Variants in WDR93 observed in about 807,000 individuals in gnomAD.
The protein encoded by WDR93 is WD repeat-containing protein 93.
WDR93 carries 73 observed loss-of-function variants against 82.9 expected under a neutral mutation model. That is an observed-to-expected ratio of 0.88 (90% confidence interval 0.73 to 1.07). The LOEUF (loss-of-function observed/expected upper bound fraction) is 1.07. Ranked by LOEUF, WDR93 falls within the 50% of genes least tolerant of loss-of-function variation. The probability of loss-of-function intolerance (pLI) is 0.00; values close to 1 mark genes in which losing one functional copy is unlikely to be tolerated. For synonymous variants in WDR93, 283 were observed against 300.1 expected (o/e 0.94, Z 0.59); for missense variants, 738 against 826.0 (o/e 0.89, Z 1.31).
At chr15:89,726,812 G>A (rs1379277835) in intron 8 of WDR93, among the ~76,000 whole-genome samples, 1 of 152,146 alleles carries the variant, frequency 6.6e-6, no homozygotes, top group Non-Finnish European at 1.5e-5. Context: ...GGGGAGACAG[G>A]GACAGTGATC....
At chr15:89,725,014 T>A (rs1010777570) in intron 8 of WDR93, among the ~76,000 whole-genome samples, 1 of 152,106 alleles carries the variant, frequency 6.6e-6, no homozygotes, top group Non-Finnish European at 1.5e-5. Flanking sequence ...TTTCCTGGGA[T>A]GTGAGATTTT....
chr15:89,734,904 T>C (rs1360529060), intron 13 of WDR93, among the ~76,000 whole-genome samples: 2 of 152,232 alleles, frequency 1.3e-5, no homozygotes, highest in Non-Finnish European at 2.9e-5. Context: ...ATTATTTAGC[T>C]ATGCATATTT....
chr15:89,719,112 G>C (rs1415385141), intron 7 of WDR93, among the ~76,000 whole-genome samples: 1 of 151,708 alleles, frequency 6.6e-6, no homozygotes, highest in Non-Finnish European at 1.5e-5. Context: ...TTTTGAAACA[G>C]GGGCTCACTC....
chr15:89,737,828 T>C, intron 15 of WDR93, 99 bp downstream of exon 15: 1 of 1,531,870 alleles, frequency 6.5e-7, no homozygotes, highest in Non-Finnish European at 8.9e-7. Flanking sequence ...CCACTCTGTG[T>C]CCCCCTCTAC....
chr15:89,730,250 G>T (rs1391551652), intron 11 of WDR93, among the ~76,000 whole-genome samples: 3 of 151,396 alleles, frequency 2.0e-5, no homozygotes, highest in Admixed American at 2.0e-4. Flanking sequence ...ACATGAACCT[G>T]GGAGGCAGAG....
intron 1 of WDR93, among the ~76,000 whole-genome samples, chr15:89,691,711 C>A (rs961611191): frequency 6.9e-6 from 1 of 144,616 alleles, no homozygotes; most frequent in African/African-American, 2.6e-5. Context: ...CAGAGCGAGA[C>A]GCTGTCTCAA....
At position 89,701,852 on chromosome 15, in the gene WDR93, G is replaced by A; in HGVS notation, c.106G>A (p.Asp36Asn). 4 of 1,614,210 alleles carry A rather than the reference G, an allele frequency of 2.5e-6. No homozygotes were observed. Among genetic ancestry groups the A allele is most frequent in the Non-Finnish European group, 3.4e-6 (4 of 1,180,034 alleles). Residue 36 changes from aspartate (D) to asparagine (N), a missense_variant, in exon 2 of 17, where the codon GAC (aspartate) becomes AAC (asparagine). Asp to Asn is a conservative substitution (Grantham distance 23). Transcript: ENST00000268130. ...CCCAACAGAGAAGGACTGGCCTAAA[G>A]ACGATGAACAGGATCATGTCCTCGT... ...PPPTEKDWPK[D>N]DEQDHVLVDP...
Position 89,705,582 on chromosome 15 carries a change from G to T in WDR93, c.525G>T (p.Lys175Asn), listed in dbSNP as rs1363224806. 1 of 1,570,530 alleles carries T rather than the reference G, an allele frequency of 6.4e-7. No individual in the cohort carries two copies. The highest frequency in any genetic ancestry group is 1.1e-5 in the South Asian group (1 of 90,240). The change falls in exon 4 of 17, where the codon AAG (lysine) becomes AAT (asparagine). Residue 175 changes from lysine to asparagine, a missense_variant. Transcript: ENST00000268130. ...TCATTAGACTCTTTTATTTTTATAA[G>T]GAAGGACTTTACCTAGTCAAAGCCA... Reference protein sequence around the residue: ...MGIIRLFYFYKEGLYLVKAIN... With the variant: ...MGIIRLFYFYNEGLYLVKAIN...
chr15:89,716,806 C>T (rs1966270748), intron 6 of WDR93, 105 bp from the exon 7 acceptor site: 4 of 820,470 alleles, frequency 4.9e-6, no homozygotes, highest in Non-Finnish European at 7.9e-6. Context: ...CATGAATTCA[C>T]TCACAAGAGT....
intron 15 of WDR93, 38 bp from the exon 16 acceptor site, chr15:89,738,003 A>G: frequency 5.8e-6 from 9 of 1,562,764 alleles, no homozygotes; most frequent in Non-Finnish European, 7.8e-6. Context: ...TGAGAAAGCG[A>G]TTGTTACACA....
In WDR93 at chr15:89,743,424, G is replaced by C. The variant is rs368408049; in HGVS notation, c.*33G>C. 72 of 1,608,474 alleles carry C rather than the reference G, an allele frequency of 4.5e-5. No homozygotes were observed. Among genetic ancestry groups the C allele is most frequent in the Non-Finnish European group, 6.0e-5 (70 of 1,175,390 alleles). ...ACCGCCCTGGGATCTCTGAAAAGGA[G>C]GTTTCAGCCACGAGGCAGCTGCTCC... On this transcript the variant is annotated 3_prime_UTR_variant, in exon 17 of 17. Coordinates refer to ENST00000268130, the MANE Select transcript of WDR93 (RefSeq NM_020212.2).
At chr15:89,720,512 T>C (rs28464035) in intron 7 of WDR93, among the ~76,000 whole-genome samples, 65,490 of 151,916 alleles carry the variant, frequency 0.43, 14,673 homozygotes, top group African/African-American at 0.5. Context: ...ACCTCGTGAT[T>C]CGCCCGCCTC....
intron 8 of WDR93, among the ~76,000 whole-genome samples, chr15:89,724,970 G>T (rs1966675488): frequency 6.6e-6 from 1 of 152,152 alleles, no homozygotes; most frequent in South Asian, 2.1e-4. Context: ...AGGTGATAGG[G>T]TGACCAACCA....
intron 7 of WDR93, among the ~76,000 whole-genome samples, chr15:89,717,556 A>C (rs1436089486): frequency 1.3e-5 from 2 of 152,170 alleles, no homozygotes; most frequent in Admixed American, 1.3e-4. Context: ...AGGGAGCTTA[A>C]ATTTCAGGGC....
At chr15:89,730,097 A>T (rs1335435950) in intron 11 of WDR93, among the ~76,000 whole-genome samples, 1 of 152,032 alleles carries the variant, frequency 6.6e-6, no homozygotes, top group Non-Finnish European at 1.5e-5. Context: ...GGCCGAGGCG[A>T]GTGGATCACC....
chr15:89,717,777 T>G (rs2141649703), intron 7 of WDR93, among the ~76,000 whole-genome samples: 1 of 152,342 alleles, frequency 6.6e-6, no homozygotes, highest in East Asian at 1.9e-4. Flanking sequence ...TTCTTTTTCT[T>G]AAAAGAGGGT....
chr15:89,729,155 C>G (rs1276467028), intron 10 of WDR93, 62 bp downstream of exon 10: 8 of 1,455,102 alleles, frequency 5.5e-6, no homozygotes, highest in Non-Finnish European at 7.7e-6. Flanking sequence ...AACCCCTCAG[C>G]AAGCCCCCAC....
intron 16 of WDR93, among the ~76,000 whole-genome samples, chr15:89,741,830 C>A (rs1967698001): frequency 6.6e-6 from 1 of 152,092 alleles, no homozygotes; most frequent in Non-Finnish European, 1.5e-5. Flanking sequence ...CAGCTCACTG[C>A]AACCTCTGCC....
chr15:89,725,648 G>T (rs1486313111), intron 8 of WDR93, among the ~76,000 whole-genome samples: 1 of 149,552 alleles, frequency 6.7e-6, no homozygotes, highest in African/African-American at 2.5e-5. Flanking sequence ...GACTCACTGT[G>T]ACCTCTGCTT....
Sources: gnomAD v4.1 joint callset for allele counts (sites outside exome capture counted in the v4.1 genomes callset) on GRCh38, gnomAD v4.1.1 for gene constraint, MANE v1.5 for transcripts, NCBI Gene and HGNC (gene_info 2026-07-23, HGNC 2026-07-21) for gene names.